The following SPAG9 variants were observed in gnomAD, a reference collection of about 807,000 sequenced individuals.
SPAG9 encodes sperm associated antigen 9.
SPAG9 carries 35 observed loss-of-function variants against 166.5 expected under a neutral mutation model. The ratio of observed to expected loss-of-function variants is 0.21; its 90% CI spans 0.16 to 0.28. The LOEUF is 0.28. SPAG9 is among the 10% of genes least tolerant of loss of function. The pLI is 1.00. For missense variants in SPAG9, 1,235 were observed against 1,603.3 expected (o/e 0.77, Z 3.92); for synonymous variants, 534 against 565.5 (o/e 0.94, Z 0.79).
At chr17:50,999,401 A>G in intron 14 of SPAG9, 2 of 1,164,364 alleles carry the variant, frequency 1.7e-6, no homozygotes, top group South Asian at 3.2e-5. Context: ...AATTTGGCAG[A>G]GGATTGCAAC....
rs2047743796 is a variant in SPAG9, at chr17:51,068,882, C to T, written c.424+10702G>A. On this transcript the variant is annotated intron_variant, in intron 2 of 29. Coordinates refer to ENST00000262013, the MANE Select transcript of SPAG9 (RefSeq NM_001130528.3). ...CACTAGACTCAAAAATGAAAGAGCC[C>T]AAATACAGATAATAAAACATAAAAC... 2.6e-5 allele frequency among the ~76,000 whole-genome samples: 4 copies of T among 151,968 alleles called. No homozygotes were observed. In the South Asian group the frequency reaches 8.3e-4, roughly 32 times the overall value.
intron 1 of SPAG9, among the ~76,000 whole-genome samples, chr17:51,085,945 T>A: frequency 6.7e-6 from 1 of 150,068 alleles, no homozygotes; most frequent in East Asian, 2.0e-4. Context: ...TAATTTTTTA[T>A]CCTCTTGGAA....
At chr17:51,040,867 T>C (rs144472142) in intron 5 of SPAG9, among the ~76,000 whole-genome samples, 41 of 152,358 alleles carry the variant, frequency 2.7e-4, no homozygotes, top group African/African-American at 9.4e-4. Flanking sequence ...ATAATCAATA[T>C]GATGAATATT....
At chr17:51,111,111 G>A (rs1295992064) in intron 1 of SPAG9, among the ~76,000 whole-genome samples, 5 of 150,320 alleles carry the variant, frequency 3.3e-5, no homozygotes, top group South Asian at 2.1e-4. Flanking sequence ...GCAAGACTCC[G>A]TCTCAAAAAA....
chr17:51,037,679 A>AG (rs1441548802), intron 5 of SPAG9, among the ~76,000 whole-genome samples: 50 of 99,512 alleles, frequency 5.0e-4, no homozygotes, highest in Middle Eastern at 8.8e-3. Flanking sequence ...ATATATATAT[A>AG]TATATAGTGT....
intron 8 of SPAG9, among the ~76,000 whole-genome samples, chr17:51,015,448 T>G (rs905215936): frequency 6.6e-6 from 1 of 152,076 alleles, no homozygotes; most frequent in Non-Finnish European, 1.5e-5. Flanking sequence ...TTAAATGTTA[T>G]AGGCAGGAAA....
intron 2 of SPAG9, among the ~76,000 whole-genome samples, chr17:51,072,190 G>C (rs921724459): frequency 6.6e-6 from 1 of 151,682 alleles, no homozygotes; most frequent in African/African-American, 2.4e-5. Flanking sequence ...TCCTGCCTCA[G>C]CCTTCCAAGT....
chr17:51,045,421 G>A (rs1218703703), intron 4 of SPAG9, among the ~76,000 whole-genome samples: 1 of 151,836 alleles, frequency 6.6e-6, no homozygotes, highest in Non-Finnish European at 1.5e-5. Context: ...TATAAATCAG[G>A]AAAGAAAATA....
chr17:51,096,846 CATATAATTCCTAAA>C (rs533788716), intron 1 of SPAG9, among the ~76,000 whole-genome samples: 103 of 152,352 alleles, frequency 6.8e-4, no homozygotes, highest in Non-Finnish European at 1.0e-3. Context: ...AGTTTCCTAA[CATATAATTCCTAAA>C]ATATAATTCC....
chr17:50,969,435 A>C (rs2143565536), intron 29 of SPAG9, among the ~76,000 whole-genome samples: 1 of 151,996 alleles, frequency 6.6e-6, no homozygotes, highest in East Asian at 1.9e-4. Flanking sequence ...CACTGTTACT[A>C]CCTTTCTTGG....
intron 1 of SPAG9, among the ~76,000 whole-genome samples, chr17:51,107,002 T>C (rs1308477638): frequency 4.0e-5 from 6 of 149,486 alleles, no homozygotes; most frequent in Non-Finnish European, 8.9e-5. Flanking sequence ...CTTGGAAGGC[T>C]GAGGCAGAAG....
chr17:51,067,945 TG>T (rs2047720548), intron 2 of SPAG9, among the ~76,000 whole-genome samples: 1 of 152,254 alleles, frequency 6.6e-6, no homozygotes, highest in African/African-American at 2.4e-5. Context: ...CTGAGATTGA[TG>T]GCCTTTGCCA....
intron 2 of SPAG9, among the ~76,000 whole-genome samples, chr17:51,061,651 G>A (rs900686354): frequency 7.5e-5 from 11 of 147,110 alleles, no homozygotes; most frequent in Non-Finnish European, 1.2e-4. Flanking sequence ...TTGTGGGAAG[G>A]AGACATATAA....
chr17:51,036,886 A>G (rs560458752), intron 5 of SPAG9, among the ~76,000 whole-genome samples: 67 of 152,330 alleles, frequency 4.4e-4, no homozygotes, highest in African/African-American at 1.5e-3. Flanking sequence ...AGATGAAGCA[A>G]TACTATACCA....
chr17:51,110,801 C>T (rs554644332), intron 1 of SPAG9, among the ~76,000 whole-genome samples: 8 of 152,120 alleles, frequency 5.3e-5, no homozygotes, highest in Admixed American at 5.2e-4. Flanking sequence ...TGCCAAACTA[C>T]TGAATGCTGT....
intron 1 of SPAG9, among the ~76,000 whole-genome samples, chr17:51,090,530 T>C (rs548194835): frequency 1.3e-5 from 2 of 152,242 alleles, no homozygotes; most frequent in South Asian, 4.1e-4. Context: ...CATTCATCCA[T>C]CTTTTCAAAA....
chr17:51,087,288 T>G (rs2048330013), intron 1 of SPAG9, among the ~76,000 whole-genome samples: 1 of 152,142 alleles, frequency 6.6e-6, no homozygotes, highest in South Asian at 2.1e-4. Context: ...ATGGCATAGC[T>G]CTATATAGCA....
chr17:51,033,310 GA>G (rs368879602), intron 5 of SPAG9, among the ~76,000 whole-genome samples: 3,024 of 86,936 alleles, frequency 0.035, 40 homozygotes, highest in African/African-American at 0.084. Context: ...GTCATTAAAT[GA>G]AAAAAAAAAA....
chr17:50,972,501 A>G (rs1379654276), intron 28 of SPAG9, among the ~76,000 whole-genome samples: 1 of 152,180 alleles, frequency 6.6e-6, no homozygotes, highest in Non-Finnish European at 1.5e-5. Context: ...AATAATAGAA[A>G]GAGAGAAACC....
Sources: gnomAD v4.1 joint callset for allele counts (sites outside exome capture counted in the v4.1 genomes callset) on GRCh38, gnomAD v4.1.1 for gene constraint, MANE v1.5 for transcripts, NCBI Gene and HGNC (gene_info 2026-07-23, HGNC 2026-07-21) for gene names.